Variants in CCDC192 observed in about 807,000 individuals in gnomAD.
CCDC192 encodes the protein coiled-coil domain containing 192.
At chr5:127,748,947 C>T (rs1396198232) in intron 2 of CCDC192, among the ~76,000 whole-genome samples, 3 of 152,136 alleles carry the variant, frequency 2.0e-5, no homozygotes, top group Non-Finnish European at 2.9e-5. Context: ...GTGATTTTTG[C>T]ACATTGATTT....
intron 6 of CCDC192, among the ~76,000 whole-genome samples, chr5:127,918,298 A>G (rs1333308914): frequency 6.6e-6 from 1 of 152,020 alleles, no homozygotes; most frequent in African/African-American, 2.4e-5. Context: ...CTGTCTTTCA[A>G]GATGCTTGCT....
chr5:127,752,313 G>C (rs930297811), intron 2 of CCDC192, among the ~76,000 whole-genome samples: 2 of 152,138 alleles, frequency 1.3e-5, no homozygotes, highest in Admixed American at 1.3e-4. Context: ...CTTTCTGTTT[G>C]TTAGTTTTCC....
At chr5:127,805,849 C>T (rs1757753392) in intron 5 of CCDC192, among the ~76,000 whole-genome samples, 2 of 152,100 alleles carry the variant, frequency 1.3e-5, no homozygotes, top group African/African-American at 2.4e-5. Context: ...ATGTCATTAC[C>T]CCATGGCTCA....
At chr5:127,770,103 G>C (rs1755464342) in intron 3 of CCDC192, among the ~76,000 whole-genome samples, 1 of 152,094 alleles carries the variant, frequency 6.6e-6, no homozygotes, top group South Asian at 2.1e-4. Flanking sequence ...ATTTTGTTTA[G>C]AGACTGGACC....
intron 6 of CCDC192, among the ~76,000 whole-genome samples, chr5:127,912,147 G>A (rs1253199535): frequency 2.0e-5 from 3 of 150,898 alleles, no homozygotes; most frequent in African/African-American, 4.9e-5. Flanking sequence ...GGCCAGGCTG[G>A]TCTCGAACTC....
chr5:127,818,304 T>C (rs1366828481), intron 5 of CCDC192, among the ~76,000 whole-genome samples: 2 of 152,342 alleles, frequency 1.3e-5, no homozygotes, highest in East Asian at 1.9e-4. Flanking sequence ...TACTAAAGAC[T>C]GAGTCTCTAG....
At chr5:127,903,892 G>C (rs1753126584) in intron 6 of CCDC192, among the ~76,000 whole-genome samples, 1 of 152,152 alleles carries the variant, frequency 6.6e-6, no homozygotes, top group Non-Finnish European at 1.5e-5. Flanking sequence ...ATTTCATCAT[G>C]ACAAAAAGTG....
chr5:127,862,680 T>C (rs1751420157), intron 5 of CCDC192, among the ~76,000 whole-genome samples: 2 of 152,198 alleles, frequency 1.3e-5, no homozygotes, highest in South Asian at 4.2e-4. Context: ...GAGTAGAAGA[T>C]TGAAAGAAGT....
At chr5:127,737,587 G>C (rs1240009425) in intron 2 of CCDC192, among the ~76,000 whole-genome samples, 98 of 151,642 alleles carry the variant, frequency 6.5e-4, no homozygotes, top group African/African-American at 2.3e-3. Flanking sequence ...AGGTCACTCA[G>C]GACTTGCTTT....
At chr5:127,720,351 C>T (rs1157098623) in intron 2 of CCDC192, among the ~76,000 whole-genome samples, 3 of 152,252 alleles carry the variant, frequency 2.0e-5, no homozygotes, top group African/African-American at 7.2e-5. Context: ...AAATGATTTC[C>T]TTTGCCTCCA....
chr5:127,724,275 A>C (rs1752185474), intron 2 of CCDC192, among the ~76,000 whole-genome samples: 1 of 152,190 alleles, frequency 6.6e-6, no homozygotes, highest in African/African-American at 2.4e-5. Context: ...TATAAATTCT[A>C]GAACAACCTG....
chr5:127,747,075 T>C (rs1753796054), intron 2 of CCDC192, among the ~76,000 whole-genome samples: 1 of 151,802 alleles, frequency 6.6e-6, no homozygotes. Context: ...CATTCTTTTT[T>C]TTTTTTATTT....
chr5:127,873,970 A>G (rs1751965885), intron 5 of CCDC192, among the ~76,000 whole-genome samples: 1 of 152,204 alleles, frequency 6.6e-6, no homozygotes, highest in Non-Finnish European at 1.5e-5. Context: ...AATCTACATG[A>G]CAGGCCAAAT....
rs1425702125 is a variant in CCDC192, at chr5:127,881,207, T to G, written c.535+5546T>G. 2.0e-5 allele frequency among the ~76,000 whole-genome samples: 3 copies of G among 152,180 alleles called. No homozygotes were observed. In the East Asian group the frequency reaches 5.8e-4, roughly 29 times the overall value. ...TTGGAAAAGGAGTCCCCTTCTAGCCTTCAGTAAGTGATACATGGTCACCTA... is the reference window on the plus strand; with the variant it reads ...TTGGAAAAGGAGTCCCCTTCTAGCCGTCAGTAAGTGATACATGGTCACCTA... On this transcript the variant is annotated intron_variant, in intron 6 of 6. Coordinates refer to ENST00000514853, the MANE Select transcript of CCDC192 (RefSeq NM_001317938.2).
At chr5:127,869,599 T>C (rs1187823653) in intron 5 of CCDC192, among the ~76,000 whole-genome samples, 3 of 152,234 alleles carry the variant, frequency 2.0e-5, no homozygotes, top group Non-Finnish European at 4.4e-5. Flanking sequence ...AAGTTTCTCT[T>C]AAATAAACAC....
chr5:127,939,674 G>A (rs1580848859), intron 6 of CCDC192, among the ~76,000 whole-genome samples: 1 of 134,372 alleles, frequency 7.4e-6, no homozygotes, highest in East Asian at 2.6e-4. Flanking sequence ...GTTGAGAAAC[G>A]GGTTATTTTT....
chr5:127,829,576 C>T (rs1392047103), intron 5 of CCDC192, among the ~76,000 whole-genome samples: 1 of 152,046 alleles, frequency 6.6e-6, no homozygotes, highest in African/African-American at 2.4e-5. Flanking sequence ...ACACCTACAC[C>T]ATGAAATATA....
chr5:127,744,366 CAGA>C (rs1753618979), intron 2 of CCDC192, among the ~76,000 whole-genome samples: 1 of 151,584 alleles, frequency 6.6e-6, no homozygotes, highest in Non-Finnish European at 1.5e-5. Context: ...GCCTGTCAAG[CAGA>C]AGGAGAGAGG....
chr5:127,814,369 T>G (rs1758254590), intron 5 of CCDC192, among the ~76,000 whole-genome samples: 1 of 152,136 alleles, frequency 6.6e-6, no homozygotes, highest in South Asian at 2.1e-4. Context: ...TCCCCCTCAA[T>G]GCTCTTTCCC....
Sources: gnomAD v4.1 joint callset for allele counts (sites outside exome capture counted in the v4.1 genomes callset) on GRCh38, gnomAD v4.1.1 for gene constraint, MANE v1.5 for transcripts, NCBI Gene and HGNC (gene_info 2026-07-23, HGNC 2026-07-21) for gene names.